RSF1: variants seen among roughly 807,000 people sequenced by gnomAD.
RSF1 encodes remodeling and spacing factor 1, also known as HBV pX-associated protein 8.
In RSF1, 13 loss-of-function variants were observed where a neutral mutation model predicts 145.2. The observed-to-expected ratio is 0.09, with a 90% CI of 0.06 to 0.14. The LOEUF (loss-of-function observed/expected upper bound fraction) is 0.14, where lower values mean the gene tolerates loss of function less well. RSF1 is among the 10% of genes least tolerant of loss of function. RSF1 has a pLI of 1.00. For synonymous variants in RSF1, 577 were observed against 592.6 expected (o/e 0.97, Z 0.38); for missense variants, 1,517 against 1,718.2 (o/e 0.88, Z 2.07).
the RSF1 span, among the ~76,000 whole-genome samples, chr11:77,856,395 C>T: frequency 6.6e-6 from 1 of 152,176 alleles, no homozygotes; most frequent in Non-Finnish European, 1.5e-5. Context: ...TTCTTCTGAG[C>T]CCTTCAAACT....
chr11:77,765,078 G>A (rs543643688), intron 1 of RSF1, among the ~76,000 whole-genome samples: 3 of 152,024 alleles, frequency 2.0e-5, no homozygotes, highest in South Asian at 2.1e-4. Context: ...GGAACTCTCC[G>A]TACTTGCTGC....
rs989853976 is a variant in RSF1, at chr11:77,729,983, A to C, written c.579-4284T>G. 3.3e-5 allele frequency among the ~76,000 whole-genome samples: 5 copies of C among 151,648 alleles called. 1 individual carries two copies. In the South Asian group the frequency reaches 1.0e-3, roughly 32 times the overall value. On this transcript the variant is annotated intron_variant, in intron 4 of 15. Transcript: ENST00000308488. ...TAGTAATATCAATAGCAGTACTATTAATCTAAGATGTTAACATTAGTGAAT... is the reference window on the plus strand; with the variant it reads ...TAGTAATATCAATAGCAGTACTATTCATCTAAGATGTTAACATTAGTGAAT...
At chr11:77,672,002 C>A in intron 15 of RSF1, 40 bp downstream of exon 15, 1 of 1,513,332 alleles carries the variant, frequency 6.6e-7, no homozygotes, top group Non-Finnish European at 9.0e-7. Flanking sequence ...GTCTATTTTG[C>A]CCTGTCCAAA....
the RSF1 span, among the ~76,000 whole-genome samples, chr11:77,860,442 C>T: frequency 6.6e-6 from 1 of 152,172 alleles, no homozygotes; most frequent in Non-Finnish European, 1.5e-5. Context: ...ATAATTTTAG[C>T]CCTAAGTATT....
At chr11:77,801,996 T>C (rs1265195628) in intron 1 of RSF1, among the ~76,000 whole-genome samples, 1 of 151,958 alleles carries the variant, frequency 6.6e-6, no homozygotes, top group Non-Finnish European at 1.5e-5. Flanking sequence ...AGAGACCCCA[T>C]TTCTATAAAA....
intron 1 of RSF1, among the ~76,000 whole-genome samples, chr11:77,783,226 T>A (rs938922435): frequency 2.6e-5 from 4 of 152,238 alleles, no homozygotes; most frequent in Non-Finnish European, 5.9e-5. Context: ...ACTAGAGCTT[T>A]CATGTTTCAC....
chr11:77,709,471 GAA>G (rs201017722), intron 5 of RSF1, among the ~76,000 whole-genome samples: 2,064 of 152,274 alleles, frequency 0.014, 18 homozygotes, highest in Non-Finnish European at 0.02. Flanking sequence ...TATGACAGGT[GAA>G]ATATCACCTG....
chr11:77,742,161 C>T (rs911144030), intron 3 of RSF1, among the ~76,000 whole-genome samples: 1 of 152,166 alleles, frequency 6.6e-6, no homozygotes, highest in Non-Finnish European at 1.5e-5. Context: ...GATATATATC[C>T]AGCAGTAGGA....
the RSF1 span, among the ~76,000 whole-genome samples, chr11:77,871,616 A>G: frequency 6.6e-6 from 1 of 152,208 alleles, no homozygotes; most frequent in East Asian, 1.9e-4. Context: ...CCTGTGATGT[A>G]AGTACTATTA....
At chr11:77,820,246 C>T (rs1449992510) in intron 1 of RSF1, among the ~76,000 whole-genome samples, 1 of 152,154 alleles carries the variant, frequency 6.6e-6, no homozygotes, top group Non-Finnish European at 1.5e-5. Flanking sequence ...GGCTGCCGAC[C>T]GGCACAATGA....
chr11:77,755,339 G>C (rs1166947847), intron 2 of RSF1, among the ~76,000 whole-genome samples: 1 of 152,128 alleles, frequency 6.6e-6, no homozygotes, highest in Non-Finnish European at 1.5e-5. Context: ...TGTGGAGGGT[G>C]AATGGAAAGA....
the RSF1 span, among the ~76,000 whole-genome samples, chr11:77,843,432 C>T: frequency 6.6e-6 from 1 of 152,136 alleles, no homozygotes; most frequent in African/African-American, 2.4e-5. Context: ...TAAAGTCCTG[C>T]TCCTCCTGGG....
At chr11:77,699,389 C>G (rs961115113) in intron 6 of RSF1, among the ~76,000 whole-genome samples, 10 of 144,184 alleles carry the variant, frequency 6.9e-5, no homozygotes, top group African/African-American at 2.3e-4. Context: ...AGGTCGTCAG[C>G]AAAGAACAAA....
chr11:77,689,693 T>C (rs1277460488), intron 9 of RSF1, among the ~76,000 whole-genome samples: 1 of 152,270 alleles, frequency 6.6e-6, no homozygotes, highest in African/African-American at 2.4e-5. Flanking sequence ...GTGAGTTCCA[T>C]GTAAACAAGA....
In RSF1 at chr11:77,743,894, C is replaced by G. The variant is rs534699773; in HGVS notation, c.373-2958G>C. ...GCACTGATACATATTCTTTTCACAC[C>G]TAATTTGTTGAGAGTTTTTATCATG... On this transcript the variant is annotated intron_variant, in intron 3 of 15. Coordinates refer to ENST00000308488, the MANE Select transcript of RSF1 (RefSeq NM_016578.4). 4.6e-4 allele frequency among the ~76,000 whole-genome samples: 70 copies of G among 152,198 alleles called. 1 individual carries two copies. The South Asian group carries it at 0.013, about 29-fold the overall frequency.
intron 1 of RSF1, among the ~76,000 whole-genome samples, chr11:77,768,457 G>A (rs1046185487): frequency 2.6e-5 from 4 of 152,048 alleles, no homozygotes; most frequent in Non-Finnish European, 2.9e-5. Flanking sequence ...CACTGCGCCC[G>A]GCCAATCACT....
chr11:77,711,407 C>A (rs898546594), intron 5 of RSF1, among the ~76,000 whole-genome samples: 1 of 152,088 alleles, frequency 6.6e-6, no homozygotes, highest in Non-Finnish European at 1.5e-5. Context: ...CAGTGGCTCA[C>A]GCCTGTAATC....
chr11:77,710,676 T>C (rs1178626048), intron 5 of RSF1, among the ~76,000 whole-genome samples: 1 of 152,224 alleles, frequency 6.6e-6, no homozygotes, highest in African/African-American at 2.4e-5. Context: ...TCTCTTTTTA[T>C]TAGCAGATGT....
At chr11:77,755,741 G>A (rs1346922739) in intron 2 of RSF1, among the ~76,000 whole-genome samples, 1 of 151,958 alleles carries the variant, frequency 6.6e-6, no homozygotes, top group Non-Finnish European at 1.5e-5. Flanking sequence ...CACCATGCCT[G>A]GCTAATTTTT....
Sources: allele counts gnomAD v4.1 joint callset (sites outside exome capture counted in the v4.1 genomes callset), GRCh38; gene constraint gnomAD v4.1.1; transcripts MANE v1.5; gene names NCBI Gene and HGNC (gene_info 2026-07-23, HGNC 2026-07-21).